CSNK2A2IP: variants seen among roughly 807,000 people sequenced by gnomAD.
The protein encoded by CSNK2A2IP is casein kinase II subunit alpha'-interacting protein.
chr3:88,446,574 T>C, the CSNK2A2IP span, among the ~76,000 whole-genome samples: 6 of 152,322 alleles, frequency 3.9e-5, no homozygotes, highest in African/African-American at 1.2e-4. Flanking sequence ...TTTTCTTTCA[T>C]GCATTTTTGT....
the CSNK2A2IP span, among the ~76,000 whole-genome samples, chr3:88,386,441 T>C: frequency 6.6e-6 from 1 of 152,212 alleles, no homozygotes; most frequent in African/African-American, 2.4e-5. Context: ...ACTCAATTTC[T>C]CATAAAGAAA....
At chr3:88,433,956 C>T in the CSNK2A2IP span, among the ~76,000 whole-genome samples, 4 of 152,168 alleles carry the variant, frequency 2.6e-5, no homozygotes, top group Admixed American at 2.0e-4. Flanking sequence ...TTACTCTTGT[C>T]TAGAACTTAC....
the CSNK2A2IP span, among the ~76,000 whole-genome samples, chr3:88,418,105 AT>A: frequency 6.8e-6 from 1 of 147,862 alleles, no homozygotes; most frequent in Non-Finnish European, 1.5e-5. Context: ...AGTTGTACGT[AT>A]AAGAAAATCC....
the CSNK2A2IP span, among the ~76,000 whole-genome samples, chr3:88,372,747 A>G: frequency 6.6e-6 from 1 of 151,472 alleles, no homozygotes; most frequent in East Asian, 1.9e-4. Context: ...TTAATTTTTT[A>G]TATTGCATTT....
At chr3:88,344,792 AATTT>A in the CSNK2A2IP span, among the ~76,000 whole-genome samples, 1 of 151,934 alleles carries the variant, frequency 6.6e-6, no homozygotes, top group African/African-American at 2.4e-5. Flanking sequence ...AGTCTTAGGT[AATTT>A]ATTTAGTACC....
the CSNK2A2IP span, among the ~76,000 whole-genome samples, chr3:88,340,038 C>T: frequency 2.6e-5 from 4 of 151,914 alleles, no homozygotes; most frequent in Admixed American, 6.6e-5. Context: ...TGCGAGGACA[C>T]GGAATGACTT....
chr3:88,374,628 T>C, the CSNK2A2IP span, among the ~76,000 whole-genome samples: 15 of 151,800 alleles, frequency 9.9e-5, no homozygotes, highest in South Asian at 1.2e-3. Flanking sequence ...TTTATTGCAA[T>C]TGAAATTTTT....
At chr3:88,452,160 A>AT in the CSNK2A2IP span, among the ~76,000 whole-genome samples, 1 of 147,968 alleles carries the variant, frequency 6.8e-6, no homozygotes. Context: ...TCTTTCTCAT[A>AT]TTTTGAACTC....
the CSNK2A2IP span, among the ~76,000 whole-genome samples, chr3:88,394,189 T>C: frequency 2.0e-5 from 3 of 152,214 alleles, no homozygotes; most frequent in African/African-American, 7.2e-5. Flanking sequence ...GTACATATAA[T>C]GATATGTGTA....
At chr3:88,384,471 A>G in the CSNK2A2IP span, among the ~76,000 whole-genome samples, 3 of 152,166 alleles carry the variant, frequency 2.0e-5, no homozygotes, top group African/African-American at 7.2e-5. Context: ...GGCTGGAAAG[A>G]ACATGGCAGG....
At chr3:88,394,492 C>A in the CSNK2A2IP span, among the ~76,000 whole-genome samples, 1 of 152,322 alleles carries the variant, frequency 6.6e-6, no homozygotes, top group African/African-American at 2.4e-5. Context: ...CCTGCCTCAG[C>A]CTCCCGAGTA....
chr3:88,461,428 C>T, the CSNK2A2IP span, among the ~76,000 whole-genome samples: 3 of 152,146 alleles, frequency 2.0e-5, no homozygotes, highest in East Asian at 3.9e-4. Context: ...TGGTGGGCGC[C>T]TGTAGTCCCA....
the CSNK2A2IP span, among the ~76,000 whole-genome samples, chr3:88,377,451 C>T: frequency 6.6e-6 from 1 of 151,780 alleles, no homozygotes. Context: ...TATGTTCAGA[C>T]ACAGTACTGT....
At chr3:88,340,177 A>C in the CSNK2A2IP span, among the ~76,000 whole-genome samples, 1 of 151,782 alleles carries the variant, frequency 6.6e-6, no homozygotes, top group Non-Finnish European at 1.5e-5. Context: ...TCCTTTTTTC[A>C]AAAGAAATGG....
the CSNK2A2IP span, among the ~76,000 whole-genome samples, chr3:88,365,634 A>G: frequency 6.6e-6 from 1 of 152,142 alleles, no homozygotes; most frequent in African/African-American, 2.4e-5. Context: ...AAAGATCCTT[A>G]TATCATTGTT....
the CSNK2A2IP span, among the ~76,000 whole-genome samples, chr3:88,377,154 A>G: frequency 1.3e-5 from 2 of 151,708 alleles, no homozygotes; most frequent in Non-Finnish European, 3.0e-5. Context: ...AGAGATCCAG[A>G]CCCTTATTTC....
chr3:88,445,207 T>C, the CSNK2A2IP span, among the ~76,000 whole-genome samples: 1 of 145,140 alleles, frequency 6.9e-6, no homozygotes, highest in East Asian at 2.0e-4. Flanking sequence ...GGCGGGAGAA[T>C]CACTTGAGGT....
At chr3:88,407,388 A>G in the CSNK2A2IP span, among the ~76,000 whole-genome samples, 1 of 149,744 alleles carries the variant, frequency 6.7e-6, no homozygotes, top group Non-Finnish European at 1.5e-5. Context: ...ATATGTTTTT[A>G]TGTTTTTATG....
chr3:88,365,583 C>T, the CSNK2A2IP span, among the ~76,000 whole-genome samples: 2 of 152,118 alleles, frequency 1.3e-5, no homozygotes, highest in Admixed American at 6.6e-5. Context: ...GTCATCACTC[C>T]TAAAGTAATC....
Sources: allele counts gnomAD v4.1 joint callset (sites outside exome capture counted in the v4.1 genomes callset), GRCh38; gene constraint gnomAD v4.1.1; transcripts MANE v1.5; gene names NCBI Gene and HGNC (gene_info 2026-07-23, HGNC 2026-07-21).